Variants in LARGE1 observed in about 807,000 individuals in gnomAD.
LARGE1 encodes the protein xylosyl- and glucuronyltransferase LARGE1.
In LARGE1, 43 loss-of-function variants were observed where a neutral mutation model predicts 87.6. The ratio of observed to expected loss-of-function variants is 0.49; its 90% CI spans 0.38 to 0.63. LARGE1 has a LOEUF of 0.63. LARGE1 is among the 30% of genes least tolerant of loss of function. The pLI, the probability that LARGE1 is intolerant of heterozygous loss-of-function variation, is 0.00. For missense variants in LARGE1, 802 were observed against 1,000.2 expected (o/e 0.80, Z 2.67); for synonymous variants, 434 against 394.6 (o/e 1.10, Z -1.18).
intron 1 of LARGE1, among the ~76,000 whole-genome samples, chr22:33,781,447 G>C (rs547802693): frequency 6.6e-6 from 1 of 152,296 alleles, no homozygotes; most frequent in African/African-American, 2.4e-5. Flanking sequence ...GTTGCAGTGA[G>C]CCAAGATTGC....
At chr22:33,535,516 C>T (rs887240052) in intron 6 of LARGE1, among the ~76,000 whole-genome samples, 1 of 150,796 alleles carries the variant, frequency 6.6e-6, no homozygotes, top group African/African-American at 2.4e-5. Flanking sequence ...GTACTCCAAC[C>T]TGGGTGATGA....
At chr22:33,778,610 A>ATGTAC (rs1321323812) in intron 1 of LARGE1, among the ~76,000 whole-genome samples, 1 of 151,590 alleles carries the variant, frequency 6.6e-6, no homozygotes, top group African/African-American at 2.4e-5. Context: ...ACTCAGCACC[A>ATGTAC]TGTACCCAAG....
chr22:33,734,869 T>C (rs1214498672), intron 2 of LARGE1, among the ~76,000 whole-genome samples: 2 of 152,108 alleles, frequency 1.3e-5, no homozygotes, highest in African/African-American at 2.4e-5. Context: ...TACCTCTGGC[T>C]ACCATGGAAT....
chr22:33,660,919 C>G (rs2081103594), intron 2 of LARGE1, among the ~76,000 whole-genome samples: 2 of 152,130 alleles, frequency 1.3e-5, no homozygotes, highest in Non-Finnish European at 2.9e-5. Flanking sequence ...ATATTCATAG[C>G]CCTTATAAAA....
At chr22:33,179,831 G>A (rs975118973) in intron 11 of LARGE1, among the ~76,000 whole-genome samples, 2 of 151,526 alleles carry the variant, frequency 1.3e-5, no homozygotes, top group Non-Finnish European at 3.0e-5. Flanking sequence ...TTAATCCCCT[G>A]CTACGGTTTG....
chr22:33,674,662 T>A (rs746094760), intron 2 of LARGE1, among the ~76,000 whole-genome samples: 1 of 152,140 alleles, frequency 6.6e-6, no homozygotes, highest in South Asian at 2.1e-4. Flanking sequence ...AATGCATGGA[T>A]CACTCTTCCA....
intron 1 of LARGE1, among the ~76,000 whole-genome samples, chr22:33,852,855 C>G (rs2063638508): frequency 4.3e-5 from 1 of 23,360 alleles, no homozygotes; most frequent in South Asian, 1.7e-3. Flanking sequence ...GACTCCGTCT[C>G]CAAAAAAAAA....
intron 7 of LARGE1, among the ~76,000 whole-genome samples, chr22:33,401,167 G>A (rs1364929818): frequency 6.6e-6 from 1 of 152,136 alleles, no homozygotes. Flanking sequence ...AGCCTTCAGT[G>A]GCTTCTGGCA....
chr22:33,391,022 AGGGT>A (rs2065500636), intron 7 of LARGE1, among the ~76,000 whole-genome samples: 1 of 152,008 alleles, frequency 6.6e-6, no homozygotes, highest in Non-Finnish European at 1.5e-5. Context: ...TAGTAGAGAC[AGGGT>A]TACACTATGT....
At chr22:33,822,034 T>C (rs2086841962) in intron 1 of LARGE1, among the ~76,000 whole-genome samples, 1 of 151,948 alleles carries the variant, frequency 6.6e-6, no homozygotes, top group Non-Finnish European at 1.5e-5. Flanking sequence ...TTCCCTGATC[T>C]TGTAATCTAT....
At chr22:33,556,445 C>T (rs1307463295) in intron 6 of LARGE1, among the ~76,000 whole-genome samples, 4 of 150,952 alleles carry the variant, frequency 2.6e-5, no homozygotes, top group South Asian at 2.1e-4. Flanking sequence ...AGGCCAAGAG[C>T]CTCAGAAGGT....
chr22:33,182,696 A>T (rs956058175), intron 11 of LARGE1, among the ~76,000 whole-genome samples: 1 of 152,230 alleles, frequency 6.6e-6, no homozygotes, highest in African/African-American at 2.4e-5. Context: ...ATCTTTGATT[A>T]CAGAATACAC....
At chr22:33,381,898 A>T in intron 9 of LARGE1, 21 bp downstream of exon 9, 1 of 1,613,714 alleles carries the variant, frequency 6.2e-7, no homozygotes, top group Non-Finnish European at 8.5e-7. Context: ...ACCTCCAGGG[A>T]TGTCCCTGTG....
Position 33,304,732 on chromosome 22 carries a change from G to C in LARGE1, c.1452-225C>G, listed in dbSNP as rs79665582. ...CTGCTTCCAACTGAACATGTGATAT[G>C]AAGTTGTATCCCACTATAAGCCTTG... On this transcript the variant is annotated intron_variant, in intron 11 of 14. Coordinates refer to ENST00000397394, the MANE Select transcript of LARGE1 (RefSeq NM_133642.5). Among the ~76,000 whole-genome samples the C allele has an allele frequency of 0.04, 6,062 of 152,268 alleles. 221 individuals are homozygous for C. Among genetic ancestry groups the C allele is most frequent in the African/African-American group, 0.099 (4,117 of 41,536 alleles).
At chr22:33,244,117 T>C (rs1013126477) in intron 11 of LARGE1, among the ~76,000 whole-genome samples, 6 of 152,032 alleles carry the variant, frequency 3.9e-5, no homozygotes, top group Non-Finnish European at 8.8e-5. Flanking sequence ...GCCTCCCAAA[T>C]AGCTGGGATT....
chr22:33,231,399 T>C (rs1925999222), intron 11 of LARGE1, among the ~76,000 whole-genome samples: 1 of 152,200 alleles, frequency 6.6e-6, no homozygotes, highest in Non-Finnish European at 1.5e-5. Flanking sequence ...TACCTAACTA[T>C]AGAAATAAAA....
intron 6 of LARGE1, among the ~76,000 whole-genome samples, chr22:33,536,592 C>G (rs1361712170): frequency 6.6e-6 from 1 of 152,212 alleles, no homozygotes; most frequent in Non-Finnish European, 1.5e-5. Flanking sequence ...CCTGTTTCAT[C>G]TTTATCTACT....
intron 6 of LARGE1, among the ~76,000 whole-genome samples, chr22:33,520,822 G>C (rs1447744951): frequency 1.3e-5 from 2 of 152,252 alleles, no homozygotes; most frequent in Non-Finnish European, 1.5e-5. Context: ...GAGTGGCTCC[G>C]TGAACTGATT....
At chr22:33,745,660 G>A (rs1286137499) in intron 2 of LARGE1, among the ~76,000 whole-genome samples, 2 of 152,310 alleles carry the variant, frequency 1.3e-5, no homozygotes, top group East Asian at 3.9e-4. Flanking sequence ...GCTACTGCTT[G>A]GAGCAGGCTG....
Sources: allele counts gnomAD v4.1 joint callset (sites outside exome capture counted in the v4.1 genomes callset), GRCh38; gene constraint gnomAD v4.1.1; transcripts MANE v1.5; gene names NCBI Gene and HGNC (gene_info 2026-07-23, HGNC 2026-07-21).